LTBP1: variants seen among roughly 807,000 people sequenced by gnomAD.
The protein encoded by LTBP1 is latent-transforming growth factor beta-binding protein 1.
In LTBP1, 129 loss-of-function variants were observed where a neutral mutation model predicts 207.6. The ratio of observed to expected loss-of-function variants is 0.62; its 90% CI spans 0.54 to 0.72. The LOEUF (loss-of-function observed/expected upper bound fraction) is 0.72. Among genes scored for constraint, LTBP1 ranks in the 30% least tolerant of loss-of-function variants. The pLI is 0.00. For synonymous variants in LTBP1, 963 were observed against 833.7 expected (o/e 1.16, Z -2.67); for missense variants, 2,281 against 2,217.2 (o/e 1.03, Z -0.58).
intron 11 of LTBP1, among the ~76,000 whole-genome samples, chr2:33,256,680 G>A (rs1463836481): frequency 2.7e-5 from 3 of 112,840 alleles, no homozygotes; most frequent in Non-Finnish European, 5.4e-5. Flanking sequence ...ATGATATATA[G>A]TATTTTCTAA....
chr2:33,125,138 G>A (rs894178447), intron 4 of LTBP1, among the ~76,000 whole-genome samples: 2 of 152,190 alleles, frequency 1.3e-5, no homozygotes, highest in African/African-American at 4.8e-5. Flanking sequence ...ATTCCTAAGT[G>A]TCATATATTT....
Position 32,957,067 on chromosome 2 carries a change from G to C in LTBP1, c.565+8122G>C, listed in dbSNP as rs549191215. On this transcript the variant is annotated intron_variant, in intron 2 of 33. Transcript: ENST00000404816. ...TCCAGTCTTTGTTGTTCCATTTACA[G>C]AGCACAGGCGAAGCAGATTTAGCAT... Among the ~76,000 whole-genome samples the C allele has an allele frequency of 7.9e-5, 12 of 152,192 alleles. No homozygotes were observed. In the South Asian group the frequency reaches 2.5e-3, roughly 32 times the overall value.
chr2:33,085,064 A>G (rs1393802406), intron 3 of LTBP1, among the ~76,000 whole-genome samples: 1 of 152,220 alleles, frequency 6.6e-6, no homozygotes, highest in Non-Finnish European at 1.5e-5. Context: ...GACACAGAAG[A>G]GAAGACACAG....
Position 33,262,805 on chromosome 2 carries a change from G to A in LTBP1, c.2502G>A (p.Leu834=). Reference sequence around the variant, plus strand: ...CTCCAGGCATTTCCACTATTCATCTGCATCCACAGTTTCCAGGTAGCCTGT... The same window carrying A: ...CTCCAGGCATTTCCACTATTCATCTACATCCACAGTTTCCAGGTAGCCTGT... The part of the protein sequence containing the change: ...QLSPGISTIH[L]HPQFPVVIEK... Residue 834 remains leucine, a synonymous_variant, in exon 14 of 34, where the codon CTG becomes CTA. Transcript: ENST00000404816. 6.2e-7 allele frequency: 1 copy of A among 1,606,036 alleles called. No homozygotes were observed.
At chr2:33,136,702 A>T (rs1403839025) in intron 5 of LTBP1, among the ~76,000 whole-genome samples, 1 of 152,262 alleles carries the variant, frequency 6.6e-6, no homozygotes, top group East Asian at 1.9e-4. Context: ...TTTGGCTTCC[A>T]GTGTATTCAT....
At chr2:33,198,210 G>A (rs2088797043) in intron 7 of LTBP1, among the ~76,000 whole-genome samples, 1 of 152,122 alleles carries the variant, frequency 6.6e-6, no homozygotes, top group Non-Finnish European at 1.5e-5. Context: ...TTATTGATTT[G>A]CGTATATTGA....
chr2:33,110,640 G>T lies in LTBP1; in HGVS notation c.922G>T (p.Val308Leu), dbSNP rs117874429. Residue 308 changes from valine (V) to leucine (L), a missense_variant, in exon 4 of 34, where the codon GTG becomes TTG. By Grantham distance (32) the Val-to-Leu change is conservative (BLOSUM62 1). Around this residue, in one of 3 missense-constraint regions of LTBP1, gnomAD observed 555 missense variants for 491.0 expected, o/e 1.13. Transcript: ENST00000404816. ...TCACCATGGCCAGACCCAGGAATAC[G>T]TGCTCAAGCCCAAGTACTTTCCAGC... ...VIHHGQTQEY[V>L]LKPKYFPAQK... 89 of 1,614,108 alleles carry T rather than the reference G, an allele frequency of 5.5e-5. No homozygotes were observed. In the East Asian group the frequency reaches 1.9e-3, roughly 34 times the overall value.
chr2:33,355,370 C>T (rs1010903851), intron 26 of LTBP1, among the ~76,000 whole-genome samples: 4 of 151,978 alleles, frequency 2.6e-5, no homozygotes, highest in Admixed American at 1.3e-4. Flanking sequence ...TACAACACGG[C>T]GTAGTATTTA....
chr2:33,300,465 C>A lies in LTBP1; in HGVS notation c.3250C>A (p.Gln1084Lys). ...HKHCRDIDEC[Q>K]QGNLCVNGQC... ...TGTGTTTGCAGATATTGATGAATGT[C>A]AGCAAGGGAATCTATGTGTAAACGG... Residue 1084 changes from glutamine to lysine, a missense_variant, in exon 21 of 34, where the codon CAG (glutamine) becomes AAG (lysine). By Grantham distance (53) the Gln-to-Lys change is moderately conservative. Coordinates refer to ENST00000404816, the MANE Select transcript of LTBP1 (RefSeq NM_206943.4). 6.2e-7 allele frequency: 1 copy of A among 1,613,260 alleles called. No homozygotes were observed. Among genetic ancestry groups the A allele is most frequent in the South Asian group, 1.1e-5 (1 of 90,992 alleles).
rs34496425 is a variant in LTBP1, at chr2:33,395,715, G to GAAA, written c.4835-1405_4835-1403dup. 1.4e-4 allele frequency among the ~76,000 whole-genome samples: 20 copies of GAAA among 141,796 alleles called. No homozygotes were observed. In the East Asian group the frequency reaches 1.4e-3, roughly 10 times the overall value. The allele number at this position is 141,796 out of a possible 152,430, so 93.0% of individuals were successfully genotyped here. A position where few individuals can be genotyped will look rare whatever the true frequency, so the allele number is the denominator to read the frequency against. ...AAGTAAGTCTTTATTTCCTTGTTTA[G>GAAA]AAAAAAAAAAAAAAAGCTGGCTAAG... On this transcript the variant is annotated intron_variant, in intron 32 of 33. Coordinates refer to ENST00000404816, the MANE Select transcript of LTBP1 (RefSeq NM_206943.4).
intron 31 of LTBP1, among the ~76,000 whole-genome samples, chr2:33,384,506 C>T (rs2095249167): frequency 6.6e-6 from 1 of 152,146 alleles, no homozygotes. Flanking sequence ...ATGGGATTGC[C>T]TCCAAAGTGC....
At chr2:32,954,459 C>G (rs769512254) in intron 2 of LTBP1, among the ~76,000 whole-genome samples, 1 of 152,050 alleles carries the variant, frequency 6.6e-6, no homozygotes, top group Non-Finnish European at 1.5e-5. Context: ...TGTCTTTATA[C>G]ATTGTCTTGT....
chr2:32,987,509 G>T (rs913022694), intron 2 of LTBP1, among the ~76,000 whole-genome samples: 1 of 152,086 alleles, frequency 6.6e-6, no homozygotes, highest in Non-Finnish European at 1.5e-5. Flanking sequence ...GCCTCTGGGA[G>T]GTAGAAGTAG....
Position 33,364,301 on chromosome 2 carries a change from C to A in LTBP1, c.4485C>A (p.His1495Gln). The A allele has an allele frequency of 6.2e-7, 1 of 1,614,066 alleles. No individual in the cohort carries two copies. Residue 1495 changes from histidine to glutamine, a missense_variant, in exon 30 of 34, where the codon CAC (histidine) becomes CAA (glutamine). By Grantham distance (24) the His-to-Gln change is conservative (BLOSUM62 0). Transcript: ENST00000404816. ...TEGSYNCFCT[H>Q]PMVLDASEKR... The stretch of plus-strand genomic sequence containing the variant: ...GCTCTTACAACTGCTTCTGTACTCA[C>A]CCCATGGTCCTGGATGCGTCAGAAA...
At chr2:33,356,967 G>C (rs536560587) in intron 26 of LTBP1, among the ~76,000 whole-genome samples, 1 of 152,096 alleles carries the variant, frequency 6.6e-6, no homozygotes, top group African/African-American at 2.4e-5. Flanking sequence ...TGTTACTCTT[G>C]GGTCATTGTA....
intron 3 of LTBP1, among the ~76,000 whole-genome samples, chr2:33,076,370 C>T (rs1243793087): frequency 6.6e-6 from 1 of 152,044 alleles, no homozygotes; most frequent in Non-Finnish European, 1.5e-5. Context: ...AAGGAGAGGT[C>T]TCAAGGAGAG....
chr2:33,189,041 C>T (rs1373870263), intron 7 of LTBP1, among the ~76,000 whole-genome samples, 190 bp downstream of exon 7: 1 of 152,188 alleles, frequency 6.6e-6, no homozygotes, highest in Non-Finnish European at 1.5e-5. Flanking sequence ...TACATACTGT[C>T]TATGCCCATT....
chr2:33,143,183 A>G (rs2082764043), intron 5 of LTBP1, among the ~76,000 whole-genome samples: 1 of 151,888 alleles, frequency 6.6e-6, no homozygotes, highest in Non-Finnish European at 1.5e-5. Flanking sequence ...TGCTTGGGCA[A>G]TCACCCACTT....
At chr2:33,088,259 T>C (rs989665580) in intron 3 of LTBP1, among the ~76,000 whole-genome samples, 5 of 152,088 alleles carry the variant, frequency 3.3e-5, no homozygotes, top group East Asian at 1.9e-4. Context: ...CGAGACCAGC[T>C]TGGCCAACAT....
Sources: allele counts gnomAD v4.1 joint callset (sites outside exome capture counted in the v4.1 genomes callset), GRCh38; gene constraint gnomAD v4.1.1; regional missense constraint gnomAD v4.1.1; transcripts MANE v1.5; gene names NCBI Gene and HGNC (gene_info 2026-07-23, HGNC 2026-07-21).